The following PAX4 variants were observed in gnomAD, a reference collection of about 807,000 sequenced individuals.
PAX4 encodes the protein paired box 4.
PAX4 carries 33 observed loss-of-function variants against 40.6 expected under a neutral mutation model. That is an observed-to-expected ratio of 0.81 (90% CI 0.62 to 1.09). The LOEUF (loss-of-function observed/expected upper bound fraction) is 1.09. Ranked by LOEUF, PAX4 falls within the 50% of genes least tolerant of loss-of-function variation. The pLI is 0.00. For synonymous variants in PAX4, 174 were observed against 170.6 expected, an observed-to-expected ratio of 1.02 and a Z score of -0.16; for missense variants, 459 against 442.5, an observed-to-expected ratio of 1.04 and a Z score of -0.33.
chr7:127,615,774 A>C (rs1483808612), intron 3 of PAX4, 142 bp downstream of exon 3: 2 of 1,509,748 alleles, frequency 1.3e-6, no homozygotes, highest in Admixed American at 2.0e-5. Context: ...GAAGCAGGAC[A>C]GGGCAGGAAG....
rs747438402 is a variant in PAX4 at position 127,614,568 on chromosome 7, C to G, written c.361-11G>C. 3 of 1,583,494 alleles carry G rather than the reference C, an allele frequency of 1.9e-6. No homozygotes were observed. The highest frequency in any genetic ancestry group is 2.3e-5 in the East Asian group (1 of 43,624). On this transcript the variant is annotated splice_polypyrimidine_tract_variant and intron_variant, in intron 5 of 11. Transcript: ENST00000639438. ...GTTGATGGAGGAGACCTGGGAGTGT[C>G]AGGGTGTTGAGTGGAGAGATGGTGC...
At position 127,611,591 on chromosome 7, in the gene PAX4, G is replaced by A. The variant is rs745694136; in HGVS notation, c.857C>T (p.Ala286Val). 6.2e-7 allele frequency: 1 copy of A among 1,613,902 alleles called. No individual in the cohort carries two copies. The highest frequency in any genetic ancestry group is 8.5e-7 in the Non-Finnish European group (1 of 1,179,932). The stretch of plus-strand genomic sequence containing the variant: ...GGTGTCACTCAGACACCTTTCTGGT[G>A]CTGTTGCCCAGCACAGCTGATAGCA... ...PSCYQLCWAT[A>V]PERCLSDTPP... The change falls in exon 11 of 12, where the codon GCA becomes GTA. Residue 286 changes from alanine to valine, a missense_variant. Physicochemically the swap from Ala to Val is moderately conservative, Grantham distance 64. Coordinates refer to ENST00000639438, the MANE Select transcript of PAX4 (RefSeq NM_001366110.1).
chr7:127,614,969 G>A lies in PAX4; in HGVS notation c.271C>T (p.Leu91=). 3.1e-6 allele frequency: 5 copies of A among 1,614,222 alleles called. No homozygotes were observed. Among genetic ancestry groups the A allele is most frequent in the Non-Finnish European group, 4.2e-6 (5 of 1,180,046 alleles). Residue 91 remains leucine, a synonymous_variant, in exon 5 of 12, where the codon CTG becomes TTG. Coordinates refer to ENST00000639438, the MANE Select transcript of PAX4 (RefSeq NM_001366110.1). ...AAGAGGGCTGGACACTCACCCTTCA[G>A]CTGGGCAATTCGAGCCACCACAGGG... ...TPPVVARIAQ[L]KGECPALFAW...
At chr7:127,616,989 T>A (rs1343715737) in intron 2 of PAX4, among the ~76,000 whole-genome samples, 1 of 152,200 alleles carries the variant, frequency 6.6e-6, no homozygotes, top group East Asian at 1.9e-4. Context: ...GTGCTGGAGA[T>A]CACCCCAAGG....
In PAX4 at chr7:127,613,784, G is replaced by A; in HGVS notation, c.534C>T (p.Ser178=). The A allele has an allele frequency of 6.2e-7, 1 of 1,614,012 alleles. No individual in the cohort carries two copies. The highest frequency in any genetic ancestry group is 8.5e-7 in the Non-Finnish European group (1 of 1,180,004). The change falls in exon 7 of 12, where the codon TCC becomes TCT. Residue 178 remains serine, a synonymous_variant. Transcript: ENST00000639438. ...TCTCCAGTGCCTCTGCTTGGCTTGGGGAGAAGATAGTCCGATTCCGGTGGC... is the reference window on the plus strand; with the variant it reads ...TCTCCAGTGCCTCTGCTTGGCTTGGAGAGAAGATAGTCCGATTCCGGTGGC... The part of the protein sequence containing the change: ...GTGHRNRTIF[S]PSQAEALEKE...
At chr7:127,611,822 C>T in intron 10 of PAX4, 123 bp downstream of exon 10, 6 of 1,593,804 alleles carry the variant, frequency 3.8e-6, no homozygotes, top group African/African-American at 1.3e-5. Flanking sequence ...TGGGTTAGTA[C>T]TTTCTTGACA....
At chr7:127,612,622 G>A (rs921567114) in intron 9 of PAX4, among the ~76,000 whole-genome samples, 1 of 150,204 alleles carries the variant, frequency 6.7e-6, no homozygotes, top group African/African-American at 2.4e-5. Flanking sequence ...TGGATGCATG[G>A]ATAGATGGGT....
chr7:127,614,960 C>G lies in PAX4; in HGVS notation c.280G>C (p.Glu94Gln). 1.9e-6 allele frequency: 3 copies of G among 1,614,226 alleles called. No homozygotes were observed. The highest frequency in any genetic ancestry group is 2.5e-6 in the Non-Finnish European group (3 of 1,180,038). The change falls in exon 5 of 12, where the codon GAG (glutamate) becomes CAG (glutamine). Residue 94 changes from glutamate to glutamine, a missense_variant. Glu to Gln is a conservative substitution (Grantham distance 29). Coordinates refer to ENST00000639438, the MANE Select transcript of PAX4 (RefSeq NM_001366110.1). ...TCCCAGGCAAAGAGGGCTGGACACT[C>G]ACCCTTCAGCTGGGCAATTCGAGCC... is the stretch of plus-strand genomic sequence containing the variant. ...VVARIAQLKG[E>Q]CPALFAWEIQ...
intron 4 of PAX4, 83 bp from the exon 5 acceptor site, chr7:127,615,178 A>T: frequency 6.2e-7 from 1 of 1,608,756 alleles, no homozygotes; most frequent in Non-Finnish European, 8.5e-7. Context: ...GGAGGCTATA[A>T]GACAAAGCCA....
At position 127,610,906 on chromosome 7, in the gene PAX4, C is replaced by A; in HGVS notation, c.*158G>T. The stretch of plus-strand genomic sequence containing the variant: ...TACCAGCCCCTCCAATCAGGTGATG[C>A]GCCAGAGAGGCATCGAGGCAGGGCC... On this transcript the variant is annotated 3_prime_UTR_variant, in exon 12 of 12. Transcript: ENST00000639438. The A allele has an allele frequency of 1.9e-6, 3 of 1,544,464 alleles. No homozygotes were observed. The South Asian group carries it at 3.6e-5, about 18-fold the overall frequency.
chr7:127,615,871 T>C, intron 3 of PAX4, 45 bp downstream of exon 3: 1 of 1,535,800 alleles, frequency 6.5e-7, no homozygotes, highest in Non-Finnish European at 8.7e-7. Flanking sequence ...TCTTCCCCTG[T>C]CTCTGTTGTC....
At position 127,611,734 on chromosome 7, in the gene PAX4, C is replaced by T. The variant is rs537070047; in HGVS notation, c.772-58G>A. 2.9e-5 allele frequency: 47 copies of T among 1,603,332 alleles called. No homozygotes were observed. In the East Asian group the frequency reaches 3.3e-4, roughly 11 times the overall value. ...TTCCAGTGATGCCTCCTGTAGAGAA[C>T]GCCGGGACCCCAGAGCTGCCTGCCA... On this transcript the variant is annotated intron_variant, in intron 10 of 11. Coordinates refer to ENST00000639438, the MANE Select transcript of PAX4 (RefSeq NM_001366110.1).
intron 1 of PAX4, among the ~76,000 whole-genome samples, 160 bp downstream of exon 1, chr7:127,617,802 A>G (rs1794741843): frequency 6.6e-6 from 1 of 152,204 alleles, no homozygotes; most frequent in Non-Finnish European, 1.5e-5. Flanking sequence ...GTCTGAAAAA[A>G]TAACTGGTGC....
chr7:127,611,873 A>G (rs755901398), intron 10 of PAX4, 72 bp downstream of exon 10: 1 of 1,607,634 alleles, frequency 6.2e-7, no homozygotes, highest in South Asian at 1.1e-5. Context: ...ATCCTGGCTC[A>G]GGCCAGAAAT....
rs145329757 is a variant in PAX4 at position 127,611,630 on chromosome 7, G to A, written c.818C>T (p.Pro273Leu). The part of the protein sequence containing the change: ...VPTAALPALE[P>L]LGPSCYQLCW... Reference sequence around the variant, plus strand: ...CAGCTGATAGCAGGAGGGACCCAGTGGTTCCAGGGCAGGCAGGGCTGCTGT... The same window carrying A: ...CAGCTGATAGCAGGAGGGACCCAGTAGTTCCAGGGCAGGCAGGGCTGCTGT... The change falls in exon 11 of 12, where the codon CCA (proline) becomes CTA (leucine). Residue 273 changes from proline to leucine, a missense_variant. Transcript: ENST00000639438. 6.2e-7 allele frequency: 1 copy of A among 1,613,736 alleles called. No individual in the cohort carries two copies. Among genetic ancestry groups the A allele is most frequent in the South Asian group, 1.1e-5 (1 of 91,070 alleles).
rs775132687 is a variant in PAX4 at position 127,613,079 on chromosome 7, T to G, written c.658A>C (p.Asn220His). Reference sequence around the variant, plus strand: ...TGCCGACGCCATTTGGCTCTTCTGTTGGAAAACCAGACCTGAGCGAGGACA... The same window carrying G: ...TGCCGACGCCATTTGGCTCTTCTGTGGGAAAACCAGACCTGAGCGAGGACA... ...PEDTVRVWFS[N>H]RRAKWRRQEK... Residue 220 changes from asparagine (N) to histidine (H), a missense_variant, in exon 9 of 12, where the codon AAC becomes CAC. Coordinates refer to ENST00000639438, the MANE Select transcript of PAX4 (RefSeq NM_001366110.1). 1 of 1,613,620 alleles carries G rather than the reference T, an allele frequency of 6.2e-7. No individual in the cohort carries two copies. The highest frequency in any genetic ancestry group is 8.5e-7 in the Non-Finnish European group (1 of 1,179,946).
At chr7:127,614,341 G>T (rs1189162875) in intron 6 of PAX4, 141 bp downstream of exon 6, 2 of 752,230 alleles carry the variant, frequency 2.7e-6, no homozygotes, top group African/African-American at 1.7e-5. Context: ...CTTCTGCTGG[G>T]AGAGAATGAG....
intron 5 of PAX4, 98 bp downstream of exon 5, chr7:127,614,782 C>A: frequency 6.6e-7 from 1 of 1,509,000 alleles, no homozygotes. Flanking sequence ...AGCCCTGTCA[C>A]CAGCTTGGGA....
rs1278582791 is a variant in PAX4 at position 127,611,988 on chromosome 7, CCCTGGGAAGCA to C, written c.717_727del (p.Ser241AspfsTer49). The C allele has an allele frequency of 2.2e-5, 35 of 1,613,868 alleles. No individual in the cohort carries two copies. Among genetic ancestry groups the C allele is most frequent in the Non-Finnish European group, 2.6e-5 (31 of 1,180,018 alleles). On this transcript the variant is annotated frameshift_variant and splice_region_variant, in exon 10 of 12. Coordinates refer to ENST00000639438, the MANE Select transcript of PAX4 (RefSeq NM_001366110.1). LOFTEE classifies it high-confidence loss of function. ...TGGGGCAACCCTTGGTACAGTCAGC[CCCTGGGAAGCA>C]CCTATAAAATGAGAGTGAATCCACT...
Sources: gnomAD v4.1 joint callset for allele counts (sites outside exome capture counted in the v4.1 genomes callset) on GRCh38, gnomAD v4.1.1 for gene constraint, MANE v1.5 for transcripts, NCBI Gene and HGNC (gene_info 2026-07-23, HGNC 2026-07-21) for gene names.